Variants in AK5 observed in about 807,000 individuals in gnomAD.
AK5 encodes adenylate kinase isoenzyme 5.
A neutral mutation model predicts 69.5 loss-of-function variants in AK5; 27 were observed. That is an observed-to-expected ratio of 0.39 (90% confidence interval 0.29 to 0.54). The LOEUF (loss-of-function observed/expected upper bound fraction) is 0.54, where lower values mean the gene tolerates loss of function less well. Among genes scored for constraint, AK5 ranks in the 20% least tolerant of loss-of-function variants. The probability of loss-of-function intolerance (pLI) is 0.71; values close to 1 mark genes in which losing one functional copy is unlikely to be tolerated. For missense variants in AK5, 531 were observed against 700.4 expected (o/e 0.76, Z 2.73); for synonymous variants, 260 against 244.4 (o/e 1.06, Z -0.60).
intron 5 of AK5, among the ~76,000 whole-genome samples, chr1:77,317,140 A>G (rs1660285712): frequency 6.6e-6 from 1 of 152,152 alleles, no homozygotes; most frequent in Admixed American, 6.6e-5. Flanking sequence ...CTCAATCTGT[A>G]TACCTCATGC....
chr1:77,442,847 C>T (rs1367446369), intron 8 of AK5, among the ~76,000 whole-genome samples: 2 of 152,150 alleles, frequency 1.3e-5, no homozygotes, highest in Non-Finnish European at 2.9e-5. Flanking sequence ...TGGGCAATTG[C>T]TTGGCAGATG....
At chr1:77,544,466 T>C (rs1396847569) in intron 13 of AK5, among the ~76,000 whole-genome samples, 1 of 152,214 alleles carries the variant, frequency 6.6e-6, no homozygotes, top group Non-Finnish European at 1.5e-5. Context: ...CACAAACACA[T>C]TGTACAGACG....
intron 10 of AK5, among the ~76,000 whole-genome samples, 192 bp downstream of exon 10, chr1:77,486,544 A>C (rs898759059): frequency 6.6e-6 from 1 of 152,016 alleles, no homozygotes; most frequent in Non-Finnish European, 1.5e-5. Context: ...AAATACAAAA[A>C]AAAATTAGCC....
At chr1:77,407,404 G>A (rs1649730857) in intron 6 of AK5, among the ~76,000 whole-genome samples, 1 of 152,100 alleles carries the variant, frequency 6.6e-6, no homozygotes, top group Admixed American at 6.5e-5. Flanking sequence ...GACAAAAATA[G>A]TTGCATACGG....
chr1:77,388,923 G>A (rs1648233464), intron 6 of AK5, among the ~76,000 whole-genome samples: 1 of 152,178 alleles, frequency 6.6e-6, no homozygotes, highest in Admixed American at 6.5e-5. Context: ...GAATATCAGG[G>A]AAGTGGAGGA....
intron 8 of AK5, among the ~76,000 whole-genome samples, chr1:77,470,875 ATTTTTT>A (rs149758544): frequency 4.0e-5 from 3 of 74,968 alleles, no homozygotes; most frequent in African/African-American, 2.0e-4. Flanking sequence ...ATATATATAT[ATTTTTT>A]TTTTTTTTTT....
chr1:77,324,039 A>T lies in AK5; in HGVS notation c.700-16338A>T, dbSNP rs1018633746. ...GCTGCTGCTGCTGCAGCCAACAGAG[A>T]CTCAAAAGTCTGGGTTCAACTCAAG... is the stretch of plus-strand genomic sequence containing the variant. On this transcript the variant is annotated intron_variant, in intron 5 of 13. Transcript: ENST00000354567. Among the ~76,000 whole-genome samples, 10 of 152,274 alleles carry T rather than the reference A, an allele frequency of 6.6e-5. No homozygotes were observed. The East Asian group carries it at 1.9e-3, about 29-fold the overall frequency.
In AK5 at chr1:77,308,356, G is replaced by A. The variant is rs868051395; in HGVS notation, c.699+10409G>A. ...CCCTACTTCTTGGCTTTGTATAGTA[G>A]TTTCTCCAGGAGATGGAGCTTGCAG... On this transcript the variant is annotated intron_variant, in intron 5 of 13. Coordinates refer to ENST00000354567, the MANE Select transcript of AK5 (RefSeq NM_174858.3). 3.3e-5 allele frequency among the ~76,000 whole-genome samples: 5 copies of A among 149,450 alleles called. No individual in the cohort carries two copies. The East Asian group carries it at 6.0e-4, about 18-fold the overall frequency.
chr1:77,521,508 A>G (rs1419504736), intron 11 of AK5, among the ~76,000 whole-genome samples: 3 of 152,226 alleles, frequency 2.0e-5, no homozygotes, highest in African/African-American at 4.8e-5. Flanking sequence ...GTGCTACCAT[A>G]TGAAATGCAG....
chr1:77,293,910 A>T lies in AK5; in HGVS notation c.365A>T (p.Tyr122Phe). 3 of 1,613,710 alleles carry T rather than the reference A, an allele frequency of 1.9e-6. No homozygotes were observed. Among genetic ancestry groups the T allele is most frequent in the Non-Finnish European group, 2.5e-6 (3 of 1,179,868 alleles). Residue 122 changes from tyrosine to phenylalanine, a missense_variant, in exon 3 of 14, where the codon TAT (tyrosine) becomes TTT (phenylalanine). Tyr to Phe is a conservative substitution (Grantham distance 22, BLOSUM62 3). Transcript: ENST00000354567. The stretch of plus-strand genomic sequence containing the variant: ...GAGACTGCAGAGTTGATTGAGGAGT[A>T]TGAGGTTTTTGATCCTACCAGACCT... ...LSETAELIEE[Y>F]EVFDPTRPRP... is the part of the protein sequence containing the mutation.
chr1:77,498,040 G>T (rs1407754408), intron 10 of AK5, among the ~76,000 whole-genome samples: 1 of 152,198 alleles, frequency 6.6e-6, no homozygotes, highest in East Asian at 1.9e-4. Context: ...GTGAACTTAG[G>T]GAGGGTGAGG....
At chr1:77,476,557 A>G (rs1395094704) in intron 8 of AK5, among the ~76,000 whole-genome samples, 1 of 152,136 alleles carries the variant, frequency 6.6e-6, no homozygotes, top group African/African-American at 2.4e-5. Context: ...TTCTATTCAT[A>G]TGACACCAGG....
intron 8 of AK5, among the ~76,000 whole-genome samples, chr1:77,476,598 C>T (rs1287703644): frequency 2.0e-5 from 3 of 152,180 alleles, no homozygotes; most frequent in Admixed American, 2.0e-4. Flanking sequence ...TCCCTGCTCA[C>T]CATACTCCGT....
chr1:77,363,005 A>G (rs1646891529), intron 6 of AK5, among the ~76,000 whole-genome samples: 2 of 152,158 alleles, frequency 1.3e-5, no homozygotes, highest in African/African-American at 2.4e-5. Context: ...ATGTTTATAG[A>G]CATCCCTATA....
At chr1:77,315,259 C>G (rs1660183986) in intron 5 of AK5, among the ~76,000 whole-genome samples, 1 of 152,040 alleles carries the variant, frequency 6.6e-6, no homozygotes, top group African/African-American at 2.4e-5. Context: ...TAGATTCTTG[C>G]TCTCACATTT....
rs145998833 is a variant in AK5 at position 77,401,155 on chromosome 1, C to T, written c.892-9826C>T. ...TGCAAAGTAGTCTCAATGGTTGTTA[C>T]TCCATTGCTGATAACTTCACTCCAG... On this transcript the variant is annotated intron_variant, in intron 6 of 13. Coordinates refer to ENST00000354567, the MANE Select transcript of AK5 (RefSeq NM_174858.3). Among the ~76,000 whole-genome samples, 736 of 152,248 alleles carry T rather than the reference C, an allele frequency of 4.8e-3. 4 individuals are homozygous for T. The highest frequency in any genetic ancestry group is 0.017 in the African/African-American group (703 of 41,544).
intron 13 of AK5, among the ~76,000 whole-genome samples, chr1:77,537,416 A>G (rs1638622929): frequency 6.6e-6 from 1 of 152,196 alleles, no homozygotes; most frequent in Admixed American, 6.5e-5. Context: ...GATGGGAACT[A>G]CCAAAGGGGC....
chr1:77,505,558 G>A (rs1021179664), intron 10 of AK5, among the ~76,000 whole-genome samples: 1 of 151,898 alleles, frequency 6.6e-6, no homozygotes, highest in African/African-American at 2.4e-5. Flanking sequence ...TCCCAGTGGA[G>A]AAAAAAAGTA....
intron 6 of AK5, among the ~76,000 whole-genome samples, chr1:77,355,241 C>T (rs17100425): frequency 2.0e-5 from 3 of 152,102 alleles, no homozygotes; most frequent in Admixed American, 2.0e-4. Flanking sequence ...ATGACTGCAG[C>T]GTACTTGTGA....
Sources: allele counts gnomAD v4.1 joint callset (sites outside exome capture counted in the v4.1 genomes callset), GRCh38; gene constraint gnomAD v4.1.1; transcripts MANE v1.5; gene names NCBI Gene and HGNC (gene_info 2026-07-23, HGNC 2026-07-21).